DUSP4: variants seen among roughly 807,000 people sequenced by gnomAD.
DUSP4 encodes dual specificity protein phosphatase 4.
Under a neutral mutation model 27.2 loss-of-function variants are expected in DUSP4, and 12 were observed. The ratio of observed to expected loss-of-function variants is 0.44; its 90% CI spans 0.28 to 0.71. The LOEUF (loss-of-function observed/expected upper bound fraction) is 0.71, where lower values mean the gene tolerates loss of function less well. DUSP4 is among the 30% of genes least tolerant of loss of function. DUSP4 has a pLI of 0.14. For missense variants in DUSP4, 448 were observed against 551.3 expected (o/e 0.81, Z 1.88); for synonymous variants, 257 against 245.2 (o/e 1.05, Z -0.45).
At chr8:29,338,898 G>A (rs1817616835) in intron 2 of DUSP4, among the ~76,000 whole-genome samples, 1 of 152,118 alleles carries the variant, frequency 6.6e-6, no homozygotes, top group Admixed American at 6.5e-5. Context: ...GTATTCACTG[G>A]GCATATCAAA....
At chr8:29,349,526 G>A (rs1817789738) in intron 1 of DUSP4, among the ~76,000 whole-genome samples, 2 of 152,192 alleles carry the variant, frequency 1.3e-5, no homozygotes, top group Admixed American at 6.5e-5. Flanking sequence ...AACTGTTCCC[G>A]GGACTCAAGA....
chr8:29,340,956 G>C (rs1563861306), intron 1 of DUSP4, among the ~76,000 whole-genome samples: 1 of 152,158 alleles, frequency 6.6e-6, no homozygotes, highest in Non-Finnish European at 1.5e-5. Context: ...GATGATAAAT[G>C]GCCAGCTGAG....
At chr8:29,344,003 G>A (rs1817691152) in intron 1 of DUSP4, among the ~76,000 whole-genome samples, 1 of 152,170 alleles carries the variant, frequency 6.6e-6, no homozygotes, top group Admixed American at 6.5e-5. Flanking sequence ...GAAAGGGAAA[G>A]CTTATTCTCA....
intron 1 of DUSP4, among the ~76,000 whole-genome samples, chr8:29,347,206 T>A (rs1348480275): frequency 6.6e-6 from 1 of 152,226 alleles, no homozygotes; most frequent in East Asian, 1.9e-4. Context: ...AAACCACATT[T>A]GCTCCACTGC....
rs766898090 is a variant in DUSP4, at chr8:29,345,430, T to C, written c.433+4416A>G. On this transcript the variant is annotated intron_variant, in intron 1 of 3. Transcript: ENST00000240100. ...GCCAGCTGGCTGACACCTAACGCCA[T>C]GCTGGGGGCTCGAACTGGTTTGCAG... The C allele has an allele frequency of 1.7e-5, 27 of 1,614,098 alleles. No individual in the cohort carries two copies. In the Admixed American group the frequency reaches 4.2e-4, roughly 25 times the overall value.
At chr8:29,342,330 C>T (rs1254552492) in intron 1 of DUSP4, among the ~76,000 whole-genome samples, 3 of 152,236 alleles carry the variant, frequency 2.0e-5, no homozygotes, top group Non-Finnish European at 4.4e-5. Flanking sequence ...TCGGAGCCTC[C>T]TCCTCGTCTG....
In DUSP4 at chr8:29,335,932, A is replaced by G. The variant is rs1281372751; in HGVS notation, c.*1094T>C. The G allele has an allele frequency of 6.6e-6, 1 of 152,242 alleles. No homozygotes were observed. Among genetic ancestry groups the G allele is most frequent in the Non-Finnish European group, 1.5e-5 (1 of 68,044 alleles). 9.4% of individuals were successfully genotyped at this position (152,242 alleles called of 1,614,324 possible). ...TGGTCTAAAATTGCTTCGGTGGCCT[A>G]CATGCCCATGAACCAGCTTCAAAAG... On this transcript the variant is annotated 3_prime_UTR_variant, in exon 4 of 4. Transcript: ENST00000240100.
intron 1 of DUSP4, chr8:29,345,571 G>A: frequency 6.6e-7 from 1 of 1,520,306 alleles, no homozygotes; most frequent in Non-Finnish European, 8.8e-7. Flanking sequence ...TCCCGGTAAG[G>A]AAATCGGCTC....
At chr8:29,340,434 C>A (rs550941614) in intron 1 of DUSP4, among the ~76,000 whole-genome samples, 191 bp from the exon 2 acceptor site, 5 of 152,316 alleles carry the variant, frequency 3.3e-5, no homozygotes, top group Non-Finnish European at 7.3e-5. Context: ...AGAGGACACA[C>A]TCGTCAGGAC....
At chr8:29,345,576 C>T (rs1290911158) in intron 1 of DUSP4, 33 of 1,519,118 alleles carry the variant, frequency 2.2e-5, no homozygotes, top group Non-Finnish European at 2.9e-5. Flanking sequence ...GTAAGGAAAT[C>T]GGCTCTCTGG....
In DUSP4 at chr8:29,350,302, G is replaced by A. The variant is rs1817804306; in HGVS notation, c.-24C>T. On this transcript the variant is annotated 5_prime_UTR_variant, in exon 1 of 4. Coordinates refer to ENST00000240100, the MANE Select transcript of DUSP4 (RefSeq NM_001394.7). Reference sequence around the variant, plus strand: ...ATGGTCGCCGGGAACCGAGGCGGCTGGGCGCGCGAGGAAGAGAAGAGAACC... The same window carrying A: ...ATGGTCGCCGGGAACCGAGGCGGCTAGGCGCGCGAGGAAGAGAAGAGAACC... The A allele has an allele frequency of 2.6e-6, 4 of 1,551,970 alleles. No individual in the cohort carries two copies. Among genetic ancestry groups the A allele is most frequent in the Middle Eastern group, 1.7e-4 (1 of 5,826 alleles).
chr8:29,345,565 G>T, intron 1 of DUSP4: 1 of 1,523,074 alleles, frequency 6.6e-7, no homozygotes. Context: ...ACTGCCTCCC[G>T]GTAAGGAAAT....
In DUSP4 at chr8:29,340,249, A is replaced by C; in HGVS notation, c.434-6T>G. 2 of 1,603,860 alleles carry C rather than the reference A, an allele frequency of 1.2e-6. No homozygotes were observed. The highest frequency in any genetic ancestry group is 1.7e-6 in the Non-Finnish European group (2 of 1,175,002). ...GGAAAACCTCTCATAGCCGCCTGTA[A>C]AGGAGAAAGAAGCTCAGGTTAATGG... On this transcript the variant is annotated splice_region_variant and splice_polypyrimidine_tract_variant and intron_variant, in intron 1 of 3. Transcript: ENST00000240100.
intron 1 of DUSP4, among the ~76,000 whole-genome samples, chr8:29,349,571 C>A (rs1180397096): frequency 6.6e-6 from 1 of 152,226 alleles, no homozygotes; most frequent in Non-Finnish European, 1.5e-5. Flanking sequence ...ATCCTCGAGG[C>A]TAGGACCGTT....
At chr8:29,345,573 A>G in intron 1 of DUSP4, 1 of 1,520,492 alleles carries the variant, frequency 6.6e-7, no homozygotes, top group Non-Finnish European at 8.8e-7. Context: ...CCGGTAAGGA[A>G]ATCGGCTCTC....
intron 1 of DUSP4, among the ~76,000 whole-genome samples, chr8:29,342,321 C>T (rs908459352): frequency 5.3e-5 from 8 of 152,216 alleles, no homozygotes; most frequent in Admixed American, 3.9e-4. Context: ...CTGAACCTCT[C>T]GGAGCCTCCT....
chr8:29,348,114 C>T, intron 1 of DUSP4: 1 of 985,566 alleles, frequency 1.0e-6, no homozygotes, highest in Non-Finnish European at 1.2e-6. Context: ...GGGGCTGGAA[C>T]CCAGTCCCAG....
At chr8:29,348,935 G>T in intron 1 of DUSP4, 1 of 258,376 alleles carries the variant, frequency 3.9e-6, no homozygotes, top group Non-Finnish European at 6.1e-6. Context: ...TAGCCCGAGG[G>T]CCGCGGACCC....
At position 29,334,312 on chromosome 8, in the gene DUSP4, G is replaced by A. The variant is rs950940784; in HGVS notation, c.*2714C>T. 2.6e-5 allele frequency: 4 copies of A among 152,210 alleles called. No individual in the cohort carries two copies. Among genetic ancestry groups the A allele is most frequent in the African/African-American group, 7.2e-5 (3 of 41,438 alleles). The allele number at this position is 152,210 out of a possible 1,614,324, so 9.4% of individuals were successfully genotyped here. ...CACTGACCTATTGGACTGACGCTGG[G>A]GTGGTATCTTCATCAGAGCTATTGT... On this transcript the variant is annotated 3_prime_UTR_variant, in exon 4 of 4. Coordinates refer to ENST00000240100, the MANE Select transcript of DUSP4 (RefSeq NM_001394.7).
Sources: allele counts gnomAD v4.1 joint callset (sites outside exome capture counted in the v4.1 genomes callset), GRCh38; gene constraint gnomAD v4.1.1; transcripts MANE v1.5; gene names NCBI Gene and HGNC (gene_info 2026-07-23, HGNC 2026-07-21).